SEL1L3: variants seen among roughly 807,000 people sequenced by gnomAD.
SEL1L3 encodes the protein protein sel-1 homolog 3.
Under a neutral mutation model 142.8 loss-of-function variants are expected in SEL1L3, and 76 were observed. The ratio of observed to expected loss-of-function variants is 0.53; its 90% CI spans 0.44 to 0.64. The LOEUF (loss-of-function observed/expected upper bound fraction) is 0.64. SEL1L3 is among the 30% of genes least tolerant of loss of function. The probability of loss-of-function intolerance (pLI) is 0.00; values close to 1 mark genes in which losing one functional copy is unlikely to be tolerated. For missense variants in SEL1L3, 1,262 were observed against 1,381.7 expected (o/e 0.91, Z 1.37); for synonymous variants, 504 against 519.6 (o/e 0.97, Z 0.41).
At chr4:25,779,641 T>TC (rs1719867687) in intron 15 of SEL1L3, among the ~76,000 whole-genome samples, 1 of 152,180 alleles carries the variant, frequency 6.6e-6, no homozygotes. Flanking sequence ...CAATAAGAAA[T>TC]CTTCACTCAC....
rs1715267998 is a variant in SEL1L3 at position 25,828,976 on chromosome 4, C to T, written c.1157+1122G>A. Among the ~76,000 whole-genome samples, 3 of 152,092 alleles carry T rather than the reference C, an allele frequency of 2.0e-5. No individual in the cohort carries two copies. In the South Asian group the frequency reaches 6.2e-4, roughly 32 times the overall value. The stretch of plus-strand genomic sequence containing the variant: ...TTAATTTTTATTTCTGATCTTTACA[C>T]TTATTTTTTTATTTTAAGACAGAGC... On this transcript the variant is annotated intron_variant, in intron 6 of 23. Coordinates refer to ENST00000399878, the MANE Select transcript of SEL1L3 (RefSeq NM_015187.5).
At chr4:25,843,273 TG>T (rs1470665361) in intron 2 of SEL1L3, among the ~76,000 whole-genome samples, 1 of 137,668 alleles carries the variant, frequency 7.3e-6, no homozygotes, top group Non-Finnish European at 1.6e-5. Context: ...CACTGGCTGC[TG>T]GTGGGGGGTG....
chr4:25,760,212 G>A (rs1289245220), intron 20 of SEL1L3, among the ~76,000 whole-genome samples: 1 of 152,054 alleles, frequency 6.6e-6, no homozygotes, highest in Non-Finnish European at 1.5e-5. Context: ...ATGGATAATG[G>A]CTTCCAGCTC....
intron 13 of SEL1L3, among the ~76,000 whole-genome samples, chr4:25,785,718 T>G (rs1711768867): frequency 6.6e-6 from 1 of 152,136 alleles, no homozygotes. Context: ...TTGGAGTAAC[T>G]GGAGAGGGGA....
downstream of SEL1L3, among the ~76,000 whole-genome samples, chr4:25,746,415 G>A (rs929612978): frequency 6.7e-6 from 1 of 149,350 alleles, no homozygotes; most frequent in Non-Finnish European, 1.5e-5. Context: ...GCTACTCGGA[G>A]GCTGAGGCAC....
At chr4:25,780,445 C>G (rs990788298) in intron 15 of SEL1L3, among the ~76,000 whole-genome samples, 3 of 152,018 alleles carry the variant, frequency 2.0e-5, no homozygotes, top group Non-Finnish European at 4.4e-5. Context: ...GGTCGGCTTC[C>G]TCCCTGGTCC....
chr4:25,752,550 T>A (rs1239345130), intron 23 of SEL1L3, among the ~76,000 whole-genome samples: 1 of 152,210 alleles, frequency 6.6e-6, no homozygotes, highest in Non-Finnish European at 1.5e-5. Context: ...TTACCTAGTG[T>A]CAGCATGCTT....
At chr4:25,789,679 A>G (rs1577606002) in intron 12 of SEL1L3, among the ~76,000 whole-genome samples, 1 of 150,976 alleles carries the variant, frequency 6.6e-6, no homozygotes, top group East Asian at 2.0e-4. Context: ...TCTGGGCTTC[A>G]GCCTCCTTAG....
At position 25,788,143 on chromosome 4, in the gene SEL1L3, G is replaced by A. The variant is rs1009782929; in HGVS notation, c.2217+81C>T. 2.9e-5 allele frequency: 42 copies of A among 1,452,928 alleles called. No individual in the cohort carries two copies. Among genetic ancestry groups the A allele is most frequent in the Non-Finnish European group, 3.8e-5 (40 of 1,056,670 alleles). 90.0% of individuals were successfully genotyped at this position (1,452,928 alleles called of 1,614,324 possible). ...AAATTTCTTCAGTTATCGACTCCCT[G>A]TTTGCCAGCCCGCCCACAGGAAACT... On this transcript the variant is annotated intron_variant, in intron 13 of 23. Coordinates refer to ENST00000399878, the MANE Select transcript of SEL1L3 (RefSeq NM_015187.5). This position sits in a 1 kb window ranked among gnomAD's most constrained non-coding sequence, Gnocchi z 5.3.
intron 21 of SEL1L3, among the ~76,000 whole-genome samples, chr4:25,758,602 G>C (rs148761268): frequency 6.6e-6 from 1 of 152,160 alleles, no homozygotes; most frequent in African/African-American, 2.4e-5. Context: ...TATTAGAAAA[G>C]AGAAATACAC....
downstream of SEL1L3, among the ~76,000 whole-genome samples, chr4:25,744,736 A>G (rs899285823): frequency 6.6e-6 from 1 of 152,204 alleles, no homozygotes; most frequent in Non-Finnish European, 1.5e-5. Flanking sequence ...GCACCCCAAC[A>G]AATGTGTGTG....
downstream of SEL1L3, among the ~76,000 whole-genome samples, chr4:25,746,426 C>T (rs1717261207): frequency 6.7e-6 from 1 of 148,728 alleles, no homozygotes; most frequent in African/African-American, 2.5e-5. Context: ...GCTGAGGCAC[C>T]AGAACCTAGG....
At chr4:25,743,917 TG>T (rs1464958275), downstream of SEL1L3, among the ~76,000 whole-genome samples, 2 of 152,136 alleles carry the variant, frequency 1.3e-5, no homozygotes, top group Non-Finnish European at 2.9e-5. Context: ...ACACTAGGCT[TG>T]TGGAAATTCA....
intron 10 of SEL1L3, 149 bp from the exon 11 acceptor site, chr4:25,802,611 T>G: frequency 1.4e-6 from 1 of 694,314 alleles, no homozygotes; most frequent in South Asian, 2.0e-5. Flanking sequence ...AGACGGAGCC[T>G]TGGCCTGTCG....
downstream of SEL1L3, among the ~76,000 whole-genome samples, chr4:25,746,507 A>AATATATATATAT (rs141668402): frequency 9.8e-6 from 1 of 101,544 alleles, no homozygotes; most frequent in Non-Finnish European, 1.9e-5. Flanking sequence ...ATATTATCTA[A>AATATATATATAT]ATATATATAT....
intron 23 of SEL1L3, chr4:25,755,930 T>C (rs1003960788): frequency 1.0e-6 from 1 of 985,300 alleles, no homozygotes; most frequent in Non-Finnish European, 1.2e-6. Context: ...AATTTAAGGA[T>C]GGGACAGAAT....
chr4:25,810,755 C>T (rs1375705052), intron 9 of SEL1L3, among the ~76,000 whole-genome samples: 1 of 152,140 alleles, frequency 6.6e-6, no homozygotes, highest in East Asian at 1.9e-4. Flanking sequence ...CGGGCCACAG[C>T]AGCACAAGAG....
chr4:25,749,218 T>C (rs1046824625), intron 23 of SEL1L3, among the ~76,000 whole-genome samples: 3 of 152,160 alleles, frequency 2.0e-5, no homozygotes, highest in African/African-American at 7.2e-5. Flanking sequence ...AGTCTTGGAT[T>C]AGATGATCTT....
intron 1 of SEL1L3, among the ~76,000 whole-genome samples, chr4:25,855,876 C>G (rs555575517): frequency 6.6e-6 from 1 of 152,208 alleles, no homozygotes; most frequent in Admixed American, 6.5e-5. Context: ...CTGCCTTCTT[C>G]TTATACTCGT....
Sources: allele counts gnomAD v4.1 joint callset (sites outside exome capture counted in the v4.1 genomes callset), GRCh38; gene constraint gnomAD v4.1.1; non-coding constraint Gnocchi (gnomAD v3.1); transcripts MANE v1.5; gene names NCBI Gene and HGNC (gene_info 2026-07-23, HGNC 2026-07-21).